Variants in GOLM1 observed in about 807,000 individuals in gnomAD.
GOLM1 encodes epididymis luminal protein 46.
In GOLM1, 31 loss-of-function variants were observed where a neutral mutation model predicts 50.5. The observed-to-expected ratio is 0.61, with a 90% CI of 0.46 to 0.83. GOLM1 has a LOEUF of 0.83. Ranked by LOEUF, GOLM1 falls within the 40% of genes least tolerant of loss-of-function variation. GOLM1 has a pLI of 0.00. For synonymous variants in GOLM1, 178 were observed against 192.8 expected, an observed-to-expected ratio of 0.92 and a Z score of 0.64; for missense variants, 491 against 501.3, an observed-to-expected ratio of 0.98 and a Z score of 0.20.
Position 86,040,786 on chromosome 9 carries a change from C to T in GOLM1, c.550G>A (p.Ala184Thr). 1.9e-6 allele frequency: 3 copies of T among 1,614,032 alleles called. No individual in the cohort carries two copies. The highest frequency in any genetic ancestry group is 2.5e-6 in the Non-Finnish European group (3 of 1,179,856). ...IEEVTKKGNE[A>T]VASRDLSENN... is the part of the protein sequence containing the mutation. ...TCACTCAGGTCTCTGGAAGCTACAG[C>T]TTCATTCCCCTTTTTGGTGACCTCT... The change falls in exon 6 of 10, where the codon GCT becomes ACT. Residue 184 changes from alanine to threonine, a missense_variant. Coordinates refer to ENST00000388712, the MANE Select transcript of GOLM1 (RefSeq NM_016548.4).
chr9:86,037,701 T>C (rs376585036), intron 6 of GOLM1, among the ~76,000 whole-genome samples: 1 of 152,164 alleles, frequency 6.6e-6, no homozygotes. Flanking sequence ...TGTAAATCAC[T>C]GTCCTTAAGC....
At chr9:86,079,995 TCTC>T (rs2076006788) in intron 1 of GOLM1, 1 of 152,094 alleles carries the variant, frequency 6.6e-6, no homozygotes. Flanking sequence ...TATAGAAGTG[TCTC>T]CTCCTTCATG....
chr9:86,042,092 G>A (rs1833374156), intron 5 of GOLM1, among the ~76,000 whole-genome samples: 1 of 152,198 alleles, frequency 6.6e-6, no homozygotes, highest in South Asian at 2.1e-4. Flanking sequence ...ACTCCAGCCT[G>A]GGCGACAGAG....
chr9:86,075,072 C>T (rs1249929857), intron 3 of GOLM1, among the ~76,000 whole-genome samples: 2 of 152,132 alleles, frequency 1.3e-5, no homozygotes, highest in African/African-American at 4.8e-5. Flanking sequence ...AAAAGAGGCC[C>T]CAGAGAGCTG....
At chr9:86,097,773 G>A (rs1214857069) in intron 1 of GOLM1, among the ~76,000 whole-genome samples, 1 of 152,108 alleles carries the variant, frequency 6.6e-6, no homozygotes, top group African/African-American at 2.4e-5. Flanking sequence ...ACAGGATAAG[G>A]GTAGCAGTTC....
chr9:86,073,177 C>T (rs979371671), intron 3 of GOLM1, among the ~76,000 whole-genome samples: 6 of 151,258 alleles, frequency 4.0e-5, no homozygotes, highest in African/African-American at 1.2e-4. Context: ...TCTCAATCAC[C>T]GGTTTCTAGA....
chr9:86,040,598 G>T, intron 6 of GOLM1, 141 bp downstream of exon 6: 1 of 720,682 alleles, frequency 1.4e-6, no homozygotes, highest in Non-Finnish European at 2.3e-6. Flanking sequence ...CCAGTACCAG[G>T]TTCTGCTCTG....
At chr9:86,055,974 A>AAAC (rs1833971998) in intron 3 of GOLM1, among the ~76,000 whole-genome samples, 1 of 89,174 alleles carries the variant, frequency 1.1e-5, no homozygotes, top group Non-Finnish European at 2.3e-5. Flanking sequence ...CGAACAGTAA[A>AAAC]AAAAACAAAA....
intron 9 of GOLM1, among the ~76,000 whole-genome samples, chr9:86,030,096 A>G (rs529876173): frequency 6.6e-6 from 1 of 152,022 alleles, no homozygotes; most frequent in South Asian, 2.1e-4. Flanking sequence ...CTGTAATCCC[A>G]GCTCCCAGCT....
intron 1 of GOLM1, among the ~76,000 whole-genome samples, chr9:86,090,230 C>G (rs1184918248): frequency 6.6e-6 from 1 of 152,164 alleles, no homozygotes; most frequent in African/African-American, 2.4e-5. Flanking sequence ...GGGTCAGGGA[C>G]CCACTTGAAG....
intron 3 of GOLM1, among the ~76,000 whole-genome samples, chr9:86,074,709 G>C (rs1228849171): frequency 1.3e-5 from 2 of 152,174 alleles, no homozygotes; most frequent in Non-Finnish European, 2.9e-5. Flanking sequence ...AGGAATTAAT[G>C]AAACAGTCCC....
chr9:86,087,865 A>G (rs1835028189), intron 1 of GOLM1, among the ~76,000 whole-genome samples: 1 of 152,182 alleles, frequency 6.6e-6, no homozygotes, highest in African/African-American at 2.4e-5. Flanking sequence ...GGATTTCCCC[A>G]TCGATGTTCA....
rs1832789953 is a variant in GOLM1 at position 86,026,553 on chromosome 9, A to C, written c.*1264T>G. On this transcript the variant is annotated 3_prime_UTR_variant, in exon 10 of 10. Coordinates refer to ENST00000388712, the MANE Select transcript of GOLM1 (RefSeq NM_016548.4). ...TCCCCTCTGAAAATAAGAGGGTTGGATCAAACGATCTCTGGGGCCTTAGCA... is the reference window on the plus strand; with the variant it reads ...TCCCCTCTGAAAATAAGAGGGTTGGCTCAAACGATCTCTGGGGCCTTAGCA... 1 of 902,862 alleles carries C rather than the reference A, an allele frequency of 1.1e-6. No homozygotes were observed. The highest frequency in any genetic ancestry group is 1.8e-5 in the African/African-American group (1 of 55,616). The allele number at this position is 902,862 out of a possible 1,614,324, so 55.9% of individuals were successfully genotyped here.
Position 86,026,778 on chromosome 9 carries a change from T to G in GOLM1, c.*1039A>C. On this transcript the variant is annotated 3_prime_UTR_variant, in exon 10 of 10. Transcript: ENST00000388712. ...AGTAATTTTCAAAATTCACATTAAC[T>G]TGATTTTAAAATCAGTTTTGTGAGT... is the stretch of plus-strand genomic sequence containing the variant. 3 of 981,608 alleles carry G rather than the reference T, an allele frequency of 3.1e-6. No individual in the cohort carries two copies. Among genetic ancestry groups the G allele is most frequent in the Non-Finnish European group, 3.6e-6 (3 of 826,438 alleles). The allele number at this position is 981,608 out of a possible 1,614,324, so 60.8% of individuals were successfully genotyped here.
chr9:86,028,837 G>A (rs202023562), intron 9 of GOLM1, among the ~76,000 whole-genome samples: 1 of 149,548 alleles, frequency 6.7e-6, no homozygotes, highest in Non-Finnish European at 1.5e-5. Context: ...AAGGGGATAA[G>A]GGAACTTTTT....
intron 8 of GOLM1, 144 bp downstream of exon 8, chr9:86,035,224 C>A: frequency 1.3e-6 from 2 of 1,516,906 alleles, no homozygotes; most frequent in South Asian, 1.3e-5. Flanking sequence ...GAATAAGAAA[C>A]CTTCAAACGA....
At position 86,027,566 on chromosome 9, in the gene GOLM1, G is replaced by A; in HGVS notation, c.*251C>T. 4.7e-6 allele frequency: 6 copies of A among 1,268,518 alleles called. No individual in the cohort carries two copies. The highest frequency in any genetic ancestry group is 6.0e-6 in the Non-Finnish European group (6 of 1,007,076). 78.6% of individuals were successfully genotyped at this position (1,268,518 alleles called of 1,614,324 possible). A position where few individuals can be genotyped will look rare whatever the true frequency, so the allele number is the denominator to read the frequency against. On this transcript the variant is annotated 3_prime_UTR_variant, in exon 10 of 10. Coordinates refer to ENST00000388712, the MANE Select transcript of GOLM1 (RefSeq NM_016548.4). Reference sequence around the variant, plus strand: ...AGAACTATGTTCCAGTTTTGGTGTTGAACTTCTCACGAAATACCTACTACC... The same window carrying A: ...AGAACTATGTTCCAGTTTTGGTGTTAAACTTCTCACGAAATACCTACTACC...
At position 86,027,633 on chromosome 9, in the gene GOLM1, C is replaced by T. The variant is rs1587688372; in HGVS notation, c.*184G>A. 4 of 1,383,558 alleles carry T rather than the reference C, an allele frequency of 2.9e-6. No individual in the cohort carries two copies. In the South Asian group the frequency reaches 5.3e-5, roughly 18 times the overall value. The allele number at this position is 1,383,558 out of a possible 1,614,324, so 85.7% of individuals were successfully genotyped here. A position where few individuals can be genotyped will look rare whatever the true frequency, so the allele number is the denominator to read the frequency against. ...TATTAGACACTTCCAAAGTACCCCC[C>T]AAAAGCTGTTTAAAAGACCATTCCA... On this transcript the variant is annotated 3_prime_UTR_variant, in exon 10 of 10. Transcript: ENST00000388712.
chr9:86,051,295 A>T (rs1275786866), intron 4 of GOLM1, among the ~76,000 whole-genome samples: 3 of 151,732 alleles, frequency 2.0e-5, no homozygotes, highest in African/African-American at 7.3e-5. Flanking sequence ...TATGTGGTCA[A>T]TTTTGGAATA....
Sources: allele counts gnomAD v4.1 joint callset (sites outside exome capture counted in the v4.1 genomes callset), GRCh38; gene constraint gnomAD v4.1.1; transcripts MANE v1.5; gene names NCBI Gene and HGNC (gene_info 2026-07-23, HGNC 2026-07-21).